ADGRE3: variants seen among roughly 807,000 people sequenced by gnomAD.
ADGRE3 encodes the protein adhesion G protein-coupled receptor E3.
Under a neutral mutation model 80.1 loss-of-function variants are expected in ADGRE3, and 88 were observed. The observed-to-expected ratio is 1.10, with a 90% CI of 0.93 to 1.31. The LOEUF (loss-of-function observed/expected upper bound fraction) is 1.31, where lower values mean the gene tolerates loss of function less well. Among genes scored for constraint, ADGRE3 ranks in the 40% most tolerant of loss-of-function variants. The probability of loss-of-function intolerance (pLI) is 0.00; values close to 1 mark genes in which losing one functional copy is unlikely to be tolerated. For missense variants in ADGRE3, 715 were observed against 776.5 expected (o/e 0.92, Z 0.94); for synonymous variants, 281 against 294.8 (o/e 0.95, Z 0.48).
chr19:14,626,536 G>A (rs1339490798), intron 14 of ADGRE3, among the ~76,000 whole-genome samples: 1 of 152,186 alleles, frequency 6.6e-6, no homozygotes, highest in Admixed American at 6.5e-5. Flanking sequence ...TCAATCTAGT[G>A]AAAATCACCA....
At chr19:14,617,390 C>CTTTCTTTCTTTCTTTCT (rs1599594071), downstream of ADGRE3, among the ~76,000 whole-genome samples, 1 of 103,356 alleles carries the variant, frequency 9.7e-6, no homozygotes, top group African/African-American at 3.9e-5. Context: ...TTCTTTCTTT[C>CTTTCTTTCTTTCTTTCT]TTTCTTTCTT....
rs1400273138 is a variant in ADGRE3, at chr19:14,636,136, T to TCC, written c.1484+1968_1484+1969insGG. On this transcript the variant is annotated intron_variant, in intron 11 of 15. Coordinates refer to ENST00000253673, the MANE Select transcript of ADGRE3 (RefSeq NM_032571.5). ...TTTCTTTCTTTCTTTCTTTCTTTCT[T>TCC]TCTTTCTTTCTTTCTTCCTTTCCTC... Among the ~76,000 whole-genome samples the TCC allele has an allele frequency of 7.6e-3, 698 of 91,648 alleles. 60 individuals are homozygous for TCC. Among genetic ancestry groups the TCC allele is most frequent in the African/African-American group, 0.012 (308 of 26,150 alleles). 60.1% of individuals were successfully genotyped at this position (91,648 alleles called of 152,430 possible).
chr19:14,657,770 G>A (rs928182616), intron 5 of ADGRE3, among the ~76,000 whole-genome samples: 4 of 149,418 alleles, frequency 2.7e-5, no homozygotes, highest in East Asian at 1.9e-4. Flanking sequence ...TGTTTGTTTT[G>A]TTTTGTTTTT....
the ADGRE3 span, among the ~76,000 whole-genome samples, chr19:14,606,232 C>T: frequency 2.2e-3 from 328 of 152,154 alleles, no homozygotes; most frequent in Middle Eastern, 0.014. Flanking sequence ...CCTACTAAGA[C>T]GTCCACAGTA....
At chr19:14,624,296 G>A (rs949421912) in intron 15 of ADGRE3, among the ~76,000 whole-genome samples, 1 of 152,078 alleles carries the variant, frequency 6.6e-6, no homozygotes, top group Non-Finnish European at 1.5e-5. Context: ...GTTTCTCCAT[G>A]TTGGTCAGGC....
intron 6 of ADGRE3, among the ~76,000 whole-genome samples, chr19:14,653,378 A>G (rs1193667424): frequency 6.6e-6 from 1 of 152,078 alleles, no homozygotes; most frequent in African/African-American, 2.4e-5. Context: ...AATATTTTCT[A>G]CATTAAACTA....
At chr19:14,636,621 A>G (rs1237756837) in intron 11 of ADGRE3, among the ~76,000 whole-genome samples, 2 of 152,172 alleles carry the variant, frequency 1.3e-5, no homozygotes, top group Non-Finnish European at 2.9e-5. Context: ...AGAGAAGACA[A>G]AACGGGGAGA....
At chr19:14,617,370 CTTT>C (rs1568469542), downstream of ADGRE3, among the ~76,000 whole-genome samples, 2 of 93,734 alleles carry the variant, frequency 2.1e-5, no homozygotes, top group African/African-American at 4.2e-5. Flanking sequence ...TTCTTTCTTT[CTTT>C]CTTCCTTTCT....
intron 11 of ADGRE3, among the ~76,000 whole-genome samples, chr19:14,635,596 A>G (rs1466321425): frequency 6.6e-6 from 1 of 151,640 alleles, no homozygotes; most frequent in Non-Finnish European, 1.5e-5. Context: ...TCTTTTTAGT[A>G]GAGACGGGGT....
chr19:14,667,162 T>C (rs1357738045), intron 2 of ADGRE3, among the ~76,000 whole-genome samples: 2 of 152,072 alleles, frequency 1.3e-5, no homozygotes, highest in Non-Finnish European at 2.9e-5. Flanking sequence ...TGGGGGAGGC[T>C]TGGCAGAGAG....
At chr19:14,668,055 A>G (rs538643396) in intron 2 of ADGRE3, among the ~76,000 whole-genome samples, 1 of 152,226 alleles carries the variant, frequency 6.6e-6, no homozygotes, top group Non-Finnish European at 1.5e-5. Context: ...GGAGTTGGAG[A>G]CCAGCCTGGG....
At chr19:14,640,599 A>T (rs1050780555) in intron 10 of ADGRE3, among the ~76,000 whole-genome samples, 8 of 152,024 alleles carry the variant, frequency 5.3e-5, no homozygotes, top group African/African-American at 1.9e-4. Context: ...CCACCGAGAC[A>T]ACTTTAGATC....
chr19:14,620,562 ATATATATTTTTTTTTTT>A (rs1568471631), intron 15 of ADGRE3, among the ~76,000 whole-genome samples: 303 of 22,024 alleles, frequency 0.014, 51 homozygotes, highest in Non-Finnish European at 0.021. Context: ...ATATATATAT[ATATATATTTTTTTTTTT>A]TTTTTTTTTT....
chr19:14,643,958 G>A (rs978609100), intron 9 of ADGRE3, 150 bp downstream of exon 9: 17 of 453,920 alleles, frequency 3.7e-5, no homozygotes, highest in South Asian at 2.2e-4. Context: ...TGATCTGCCC[G>A]TCTTGGCCTC....
At chr19:14,604,944 T>C in the ADGRE3 span, among the ~76,000 whole-genome samples, 2 of 152,082 alleles carry the variant, frequency 1.3e-5, no homozygotes, top group African/African-American at 2.4e-5. Flanking sequence ...GGGGCGAGTG[T>C]TACTCACACC....
intron 4 of ADGRE3, among the ~76,000 whole-genome samples, chr19:14,659,387 T>A (rs1482267528): frequency 1.3e-5 from 2 of 152,138 alleles, no homozygotes; most frequent in Non-Finnish European, 2.9e-5. Flanking sequence ...AGAACTGAAA[T>A]GTCCGAGAAA....
At chr19:14,650,510 G>C (rs1250968032) in intron 7 of ADGRE3, among the ~76,000 whole-genome samples, 1 of 138,378 alleles carries the variant, frequency 7.2e-6, no homozygotes, top group Non-Finnish European at 1.6e-5. Flanking sequence ...CTTCCCATCT[G>C]TCTCTCCCCA....
At chr19:14,605,192 G>A in the ADGRE3 span, among the ~76,000 whole-genome samples, 1 of 151,952 alleles carries the variant, frequency 6.6e-6, no homozygotes, top group Non-Finnish European at 1.5e-5. Flanking sequence ...CCACCTCCTG[G>A]TTTCAAGCAA....
chr19:14,609,033 C>A, the ADGRE3 span, among the ~76,000 whole-genome samples: 8 of 152,060 alleles, frequency 5.3e-5, no homozygotes, highest in African/African-American at 1.7e-4. Flanking sequence ...ATCCTGACCT[C>A]AGGTGATCTA....
Sources: gnomAD v4.1 joint callset for allele counts (sites outside exome capture counted in the v4.1 genomes callset) on GRCh38, gnomAD v4.1.1 for gene constraint, MANE v1.5 for transcripts, NCBI Gene and HGNC (gene_info 2026-07-23, HGNC 2026-07-21) for gene names.